The following PPP2R1B variants were observed in gnomAD, a reference collection of about 807,000 sequenced individuals.
PPP2R1B encodes serine/threonine-protein phosphatase 2A 65 kDa regulatory subunit A beta isoform.
In PPP2R1B, 58 loss-of-function variants were observed where a neutral mutation model predicts 72.7. That is an observed-to-expected ratio of 0.80 (90% CI 0.65 to 0.99). PPP2R1B has a LOEUF of 0.99. Ranked by LOEUF, PPP2R1B falls within the 50% of genes least tolerant of loss-of-function variation. PPP2R1B has a pLI of 0.00. For missense variants in PPP2R1B, 695 were observed against 733.6 expected, an observed-to-expected ratio of 0.95 and a Z score of 0.61; for synonymous variants, 256 against 264.6, an observed-to-expected ratio of 0.97 and a Z score of 0.32.
At chr11:111,760,690 A>G in intron 4 of PPP2R1B, 129 bp downstream of exon 4, 1 of 767,378 alleles carries the variant, frequency 1.3e-6, no homozygotes, top group East Asian at 2.7e-5. Context: ...CTACTATCCT[A>G]GTATCAGCCA....
At chr11:111,745,376 T>G (rs972747758) in intron 11 of PPP2R1B, among the ~76,000 whole-genome samples, 1 of 152,118 alleles carries the variant, frequency 6.6e-6, no homozygotes, top group Admixed American at 6.5e-5. Flanking sequence ...TTAACACGCT[T>G]TAGATTTTTA....
the PPP2R1B span, chr11:111,712,219 T>C: frequency 6.2e-7 from 1 of 1,614,096 alleles, no homozygotes; most frequent in East Asian, 2.2e-5. Context: ...AGGCACAGAC[T>C]GTGGGGCTCC....
intron 15 of PPP2R1B, chr11:111,728,660 G>A (rs1256513016): frequency 2.6e-5 from 4 of 151,936 alleles, no homozygotes; most frequent in South Asian, 2.1e-4. Context: ...CGGGCGCGGT[G>A]GCTCACGCCT....
the PPP2R1B span, among the ~76,000 whole-genome samples, chr11:111,709,828 ACAGT>A: frequency 6.6e-6 from 1 of 152,214 alleles, no homozygotes; most frequent in East Asian, 1.9e-4. Flanking sequence ...AACCGAGTTC[ACAGT>A]CAGTTGTAGT....
At chr11:111,721,404 C>T in the PPP2R1B span, among the ~76,000 whole-genome samples, 5 of 152,326 alleles carry the variant, frequency 3.3e-5, no homozygotes, top group African/African-American at 1.2e-4. Flanking sequence ...AAATGAACTA[C>T]ACCCAAATGA....
chr11:111,703,014 G>A, the PPP2R1B span, among the ~76,000 whole-genome samples: 1 of 152,086 alleles, frequency 6.6e-6, no homozygotes, highest in African/African-American at 2.4e-5. Context: ...GTTTTTCTTA[G>A]GTATTTGTTC....
chr11:111,708,252 C>T, the PPP2R1B span, among the ~76,000 whole-genome samples: 5 of 152,130 alleles, frequency 3.3e-5, no homozygotes, highest in Non-Finnish European at 7.4e-5. Flanking sequence ...TATGGTAGTG[C>T]GTGCTTATAA....
chr11:111,759,031 C>T (rs557215095), intron 5 of PPP2R1B, among the ~76,000 whole-genome samples: 1 of 152,098 alleles, frequency 6.6e-6, no homozygotes, highest in Non-Finnish European at 1.5e-5. Context: ...TTCTAGAGTC[C>T]AGGAACTCTG....
At chr11:111,751,293 CCTTTT>C (rs1342889996) in intron 10 of PPP2R1B, among the ~76,000 whole-genome samples, 4 of 152,078 alleles carry the variant, frequency 2.6e-5, no homozygotes, top group Non-Finnish European at 5.9e-5. Context: ...AACCATAATC[CCTTTT>C]CTTCTCAGTT....
chr11:111,703,000 T>C, the PPP2R1B span, among the ~76,000 whole-genome samples: 1 of 152,198 alleles, frequency 6.6e-6, no homozygotes, highest in Non-Finnish European at 1.5e-5. Context: ...ACCTACACCC[T>C]CCTGTTTTTC....
chr11:111,740,036 G>C lies in PPP2R1B; in HGVS notation c.*1560C>G. The stretch of plus-strand genomic sequence containing the variant: ...TATACAAAGTCTTAGAGGAGTCTTT[G>C]GGCCTTCACTAAACAGAACAGGACT... On this transcript the variant is annotated 3_prime_UTR_variant, in exon 15 of 15. Coordinates refer to ENST00000527614, the MANE Select transcript of PPP2R1B (RefSeq NM_002716.5). The C allele has an allele frequency of 1.0e-6, 1 of 984,544 alleles. No individual in the cohort carries two copies. Among genetic ancestry groups the C allele is most frequent in the Non-Finnish European group, 1.2e-6 (1 of 829,174 alleles). 61.0% of individuals were successfully genotyped at this position (984,544 alleles called of 1,614,324 possible). A position where few individuals can be genotyped will look rare whatever the true frequency, so the allele number is the denominator to read the frequency against.
intron 11 of PPP2R1B, 142 bp downstream of exon 11, chr11:111,747,812 A>G: frequency 1.5e-6 from 1 of 661,502 alleles, no homozygotes; most frequent in Non-Finnish European, 2.4e-6. Flanking sequence ...TATATTCAGA[A>G]GATTAAACTT....
chr11:111,739,377 G>A lies in PPP2R1B; in HGVS notation c.*2219C>T, dbSNP rs1944444439. On this transcript the variant is annotated 3_prime_UTR_variant, in exon 15 of 15. Coordinates refer to ENST00000527614, the MANE Select transcript of PPP2R1B (RefSeq NM_002716.5). ...AAAAAAATAGGAGAACTAATTCATG[G>A]AGAACATGGCCAAGTTATGAGCCAA... The A allele has an allele frequency of 3.0e-6, 3 of 984,956 alleles. No homozygotes were observed. The highest frequency in any genetic ancestry group is 1.2e-4 in the Admixed American group (2 of 16,244). 61.0% of individuals were successfully genotyped at this position (984,956 alleles called of 1,614,324 possible).
downstream of PPP2R1B, chr11:111,724,007 G>A (rs767152607): frequency 6.2e-7 from 1 of 1,614,210 alleles, no homozygotes; most frequent in East Asian, 2.2e-5. Flanking sequence ...CAGAAGCCCA[G>A]GACTGCAAGA....
the PPP2R1B span, among the ~76,000 whole-genome samples, chr11:111,697,132 A>C: frequency 6.6e-6 from 1 of 152,240 alleles, no homozygotes; most frequent in Non-Finnish European, 1.5e-5. Flanking sequence ...CTTGGTTTCT[A>C]TTCCACTGCT....
chr11:111,728,811 C>T lies in PPP2R1B; in HGVS notation c.1912-1754G>A, dbSNP rs1378689370. 2.0e-5 allele frequency: 3 copies of T among 151,870 alleles called. No individual in the cohort carries two copies. In the East Asian group the frequency reaches 5.8e-4, roughly 30 times the overall value. 9.4% of individuals were successfully genotyped at this position (151,870 alleles called of 1,614,324 possible). On this transcript the variant is annotated intron_variant, in intron 15 of 15. Transcript: ENST00000311129. ...TGGTGGTGGGCGCCTGTAGTTCCAG[C>T]TACTCGGGAGGCTGAGGCAGGAGAA...
the PPP2R1B span, among the ~76,000 whole-genome samples, chr11:111,696,341 T>G: frequency 3.2e-3 from 485 of 152,300 alleles, 3 homozygotes; most frequent in African/African-American, 0.011. Flanking sequence ...TTTTGATAAT[T>G]ATACTGTAGG....
chr11:111,738,067 G>A lies in PPP2R1B; in HGVS notation c.*3529C>T. ...ACAGTGAGACTATTCTAGGTACAGA[G>A]GACTGGAGGGAGACATGCGAGGGAA... On this transcript the variant is annotated 3_prime_UTR_variant, in exon 15 of 15. Transcript: ENST00000527614. 1.0e-6 allele frequency: 1 copy of A among 994,040 alleles called. No individual in the cohort carries two copies. Among genetic ancestry groups the A allele is most frequent in the Non-Finnish European group, 1.2e-6 (1 of 834,250 alleles). The allele number at this position is 994,040 out of a possible 1,614,324, so 61.6% of individuals were successfully genotyped here.
chr11:111,749,198 G>C (rs935628765), intron 10 of PPP2R1B, among the ~76,000 whole-genome samples: 5 of 152,044 alleles, frequency 3.3e-5, no homozygotes, highest in Admixed American at 3.3e-4. Context: ...CATACACTTA[G>C]ATTACGTCAG....
Sources: gnomAD v4.1 joint callset for allele counts (sites outside exome capture counted in the v4.1 genomes callset) on GRCh38, gnomAD v4.1.1 for gene constraint, MANE v1.5 for transcripts, NCBI Gene and HGNC (gene_info 2026-07-23, HGNC 2026-07-21) for gene names.